SELENOI: variants seen among roughly 807,000 people sequenced by gnomAD.
The protein encoded by SELENOI is selenoprotein I, also known as ethanolaminephosphotransferase 1.
In SELENOI, 24 loss-of-function variants were observed where a neutral mutation model predicts 50.7. The observed-to-expected ratio is 0.47, with a 90% confidence interval of 0.34 to 0.67. SELENOI has a LOEUF of 0.67. SELENOI is among the 30% of genes least tolerant of loss of function. SELENOI has a pLI of 0.01. For missense variants in SELENOI, 352 were observed against 461.4 expected (o/e 0.76, Z 2.17); for synonymous variants, 155 against 170.2 (o/e 0.91, Z 0.70).
intron 4 of SELENOI, among the ~76,000 whole-genome samples, chr2:26,371,115 C>T (rs1245095569): frequency 3.4e-5 from 5 of 148,030 alleles, no homozygotes; most frequent in African/African-American, 1.0e-4. Context: ...CTGACCCCCC[C>T]ACCTCCCTCC....
chr2:26,384,682 A>T (rs1401254886), intron 7 of SELENOI, among the ~76,000 whole-genome samples: 1 of 152,184 alleles, frequency 6.6e-6, no homozygotes. Flanking sequence ...AGCAGTTGAT[A>T]GTTTGGTTTA....
Position 26,391,369 on chromosome 2 carries a change from T to G in SELENOI, c.*2266T>G, listed in dbSNP as rs1374542786. The G allele has an allele frequency of 6.6e-6, 1 of 152,232 alleles. No homozygotes were observed. Among genetic ancestry groups the G allele is most frequent in the Non-Finnish European group, 1.5e-5 (1 of 68,038 alleles). 9.4% of individuals were successfully genotyped at this position (152,232 alleles called of 1,614,324 possible). Reference sequence around the variant, plus strand: ...TTGTTTTGTCTGCCATTCTTGAAAGTGCATCTTGAGAGCCCCCATTTGTTG... The same window carrying G: ...TTGTTTTGTCTGCCATTCTTGAAAGGGCATCTTGAGAGCCCCCATTTGTTG... On this transcript the variant is annotated 3_prime_UTR_variant, in exon 10 of 10. Coordinates refer to ENST00000260585, the MANE Select transcript of SELENOI (RefSeq NM_033505.4).
chr2:26,369,407 G>C (rs1416806678), intron 4 of SELENOI, among the ~76,000 whole-genome samples: 1 of 152,130 alleles, frequency 6.6e-6, no homozygotes, highest in East Asian at 1.9e-4. Flanking sequence ...TGTCACTCTT[G>C]CTGCTTATTC....
chr2:26,359,814 T>C (rs1490311358), intron 1 of SELENOI, among the ~76,000 whole-genome samples: 1 of 152,202 alleles, frequency 6.6e-6, no homozygotes, highest in Non-Finnish European at 1.5e-5. Context: ...TTTGGTTTTT[T>C]GGTGATCTGA....
chr2:26,347,258 A>C (rs1217108712), intron 1 of SELENOI, among the ~76,000 whole-genome samples: 1 of 152,102 alleles, frequency 6.6e-6, no homozygotes, highest in East Asian at 1.9e-4. Flanking sequence ...CTGTTCGTTT[A>C]TGGAATTGCT....
At chr2:26,357,909 G>A (rs919016857) in intron 1 of SELENOI, among the ~76,000 whole-genome samples, 2 of 152,110 alleles carry the variant, frequency 1.3e-5, no homozygotes, top group Admixed American at 6.5e-5. Flanking sequence ...CCATGGGGGC[G>A]GTTTCCTCCA....
At chr2:26,347,939 A>T (rs1342121972) in intron 1 of SELENOI, among the ~76,000 whole-genome samples, 1 of 152,142 alleles carries the variant, frequency 6.6e-6, no homozygotes, top group African/African-American at 2.4e-5. Flanking sequence ...ACTTCCTATC[A>T]TCCTGGAAAA....
chr2:26,360,153 G>A (rs1220879871), intron 1 of SELENOI, among the ~76,000 whole-genome samples: 2 of 152,188 alleles, frequency 1.3e-5, no homozygotes, highest in Non-Finnish European at 2.9e-5. Context: ...ACCTTTAAAA[G>A]TCTGCATTTT....
Position 26,394,302 on chromosome 2 carries a change from A to G in SELENOI, c.*5199A>G, listed in dbSNP as rs1678040002. 6.6e-6 allele frequency: 1 copy of G among 152,270 alleles called. No homozygotes were observed. The highest frequency in any genetic ancestry group is 6.5e-5 in the Admixed American group (1 of 15,286). The allele number at this position is 152,270 out of a possible 1,614,324, so 9.4% of individuals were successfully genotyped here. The stretch of plus-strand genomic sequence containing the variant: ...CAGTTACTGGGGAGGCTGAGGCAGG[A>G]GAATCACTTGAACCTGGGAGATGGA... On this transcript the variant is annotated 3_prime_UTR_variant, in exon 10 of 10. Coordinates refer to ENST00000260585, the MANE Select transcript of SELENOI (RefSeq NM_033505.4). This position sits in a 1 kb window ranked among gnomAD's most constrained non-coding sequence, Gnocchi z 4.1.
Position 26,395,129 on chromosome 2 carries a change from A to G in SELENOI, c.*6026A>G, listed in dbSNP as rs1461457603. ...CATTTATTTTATCTGGTTGTGTGTG[A>G]TGTGTGTGTATGCCTATTTAATATG... On this transcript the variant is annotated 3_prime_UTR_variant, in exon 10 of 10. Transcript: ENST00000260585. 6.6e-6 allele frequency: 1 copy of G among 152,156 alleles called. No individual in the cohort carries two copies. Among genetic ancestry groups the G allele is most frequent in the Non-Finnish European group, 1.5e-5 (1 of 68,010 alleles). 9.4% of individuals were successfully genotyped at this position (152,156 alleles called of 1,614,324 possible). A position where few individuals can be genotyped will look rare whatever the true frequency, so the allele number is the denominator to read the frequency against.
intron 4 of SELENOI, among the ~76,000 whole-genome samples, 200 bp from the exon 5 acceptor site, chr2:26,373,167 G>A (rs1053338170): frequency 2.6e-5 from 4 of 152,244 alleles, no homozygotes; most frequent in Non-Finnish European, 5.9e-5. Context: ...GGGATTACAG[G>A]TGTGAGACAC....
At chr2:26,385,690 A>G (rs1447877741) in intron 8 of SELENOI, among the ~76,000 whole-genome samples, 1 of 152,232 alleles carries the variant, frequency 6.6e-6, no homozygotes, top group East Asian at 1.9e-4. Flanking sequence ...ATAGTCCTGA[A>G]AGCCAGAAGG....
rs752357049 is a variant in SELENOI, at chr2:26,385,016, A to G, written c.789A>G (p.Leu263=). The change falls in exon 8 of 10, where the codon TTA becomes TTG. Residue 263 remains leucine (L), a synonymous_variant. Coordinates refer to ENST00000260585, the MANE Select transcript of SELENOI (RefSeq NM_033505.4). ...LNSVYEAMVP[L]FSPCLLFILS... is the part of the protein sequence containing the mutation. Reference sequence around the variant, plus strand: ...CAGTCTATGAAGCTATGGTTCCCTTATTTTCTCCATGCTTGCTGTTCATTT... The same window carrying G: ...CAGTCTATGAAGCTATGGTTCCCTTGTTTTCTCCATGCTTGCTGTTCATTT... 4.3e-6 allele frequency: 7 copies of G among 1,612,782 alleles called. No individual in the cohort carries two copies. The highest frequency in any genetic ancestry group is 5.9e-6 in the Non-Finnish European group (7 of 1,179,502).
Position 26,374,658 on chromosome 2 carries a change from T to G in SELENOI, c.574-382T>G, listed in dbSNP as rs1335857371. On this transcript the variant is annotated intron_variant, in intron 5 of 9. Transcript: ENST00000260585. ...ATCTCGGCTCACCGCAACCTCTGCC[T>G]CCTGGGTTCAGGCGATTCTTCCGCC... 2.7e-5 allele frequency among the ~76,000 whole-genome samples: 4 copies of G among 147,018 alleles called. No homozygotes were observed. In the East Asian group the frequency reaches 8.3e-4, roughly 30 times the overall value.
intron 4 of SELENOI, among the ~76,000 whole-genome samples, chr2:26,370,875 G>A (rs1677415126): frequency 7.6e-6 from 1 of 131,470 alleles, no homozygotes; most frequent in Non-Finnish European, 1.6e-5. Flanking sequence ...TGGCCAGGCG[G>A]GGGGCTGACA....
At chr2:26,367,019 C>A (rs1677298448) in intron 3 of SELENOI, 127 bp from the exon 4 acceptor site, 2 of 765,454 alleles carry the variant, frequency 2.6e-6, no homozygotes, top group Admixed American at 3.8e-5. Flanking sequence ...ATTCTGGATT[C>A]AAAATATATT....
At position 26,373,332 on chromosome 2, in the gene SELENOI, C is replaced by T. The variant is rs369734604; in HGVS notation, c.311-35C>T. The stretch of plus-strand genomic sequence containing the variant: ...AAGACTTTCTCCATCCTGGTGCATA[C>T]GTTGAACTTTTCCTGTGGTTTGTTT... On this transcript the variant is annotated intron_variant, in intron 4 of 9. Transcript: ENST00000260585. The T allele has an allele frequency of 3.4e-5, 54 of 1,584,366 alleles. No individual in the cohort carries two copies. In the African/African-American group the frequency reaches 4.3e-4, roughly 13 times the overall value.
intron 9 of SELENOI, among the ~76,000 whole-genome samples, chr2:26,386,797 G>C (rs1677853883): frequency 6.6e-6 from 1 of 152,200 alleles, no homozygotes; most frequent in Non-Finnish European, 1.5e-5. Flanking sequence ...AGTTATTACT[G>C]TAAGTGGGTA....
chr2:26,376,583 C>T (rs1415188085), intron 6 of SELENOI, among the ~76,000 whole-genome samples: 1 of 152,186 alleles, frequency 6.6e-6, no homozygotes, highest in African/African-American at 2.4e-5. Context: ...ATACCAGTGC[C>T]AATCTTGTTT....
Sources: allele counts gnomAD v4.1 joint callset (sites outside exome capture counted in the v4.1 genomes callset), GRCh38; gene constraint gnomAD v4.1.1; non-coding constraint Gnocchi (gnomAD v3.1); transcripts MANE v1.5; gene names NCBI Gene and HGNC (gene_info 2026-07-23, HGNC 2026-07-21).